The following USP40 variants were observed in gnomAD, a reference collection of about 807,000 sequenced individuals.
USP40 encodes ubiquitin specific peptidase 40.
USP40 carries 143 observed loss-of-function variants against 166.2 expected under a neutral mutation model. The ratio of observed to expected loss-of-function variants is 0.86; its 90% confidence interval spans 0.75 to 0.99. The LOEUF (loss-of-function observed/expected upper bound fraction) is 0.99. USP40 is among the 50% of genes least tolerant of loss of function. USP40 has a pLI of 0.00. For synonymous variants in USP40, 498 were observed against 524.0 expected (o/e 0.95, Z 0.68); for missense variants, 1,444 against 1,479.7 (o/e 0.98, Z 0.40).
intron 21 of USP40, among the ~76,000 whole-genome samples, chr2:233,504,259 A>G (rs968725718): frequency 2.3e-4 from 35 of 152,116 alleles, no homozygotes; most frequent in African/African-American, 8.4e-4. Context: ...AAACAACCAG[A>G]AAACGATTAA....
chr2:233,548,945 A>G (rs1163382204), intron 8 of USP40, among the ~76,000 whole-genome samples, 156 bp downstream of exon 8: 1 of 152,168 alleles, frequency 6.6e-6, no homozygotes, highest in Non-Finnish European at 1.5e-5. Flanking sequence ...ATTTAGAAAT[A>G]AAAATTTAAA....
chr2:233,533,208 T>C lies in USP40; in HGVS notation c.1471+271A>G, dbSNP rs926389356. ...ACTCAAGTTTGCCAACACAAGAAGG[T>C]TTTATGCTATCCAAGGAAATCCAAT... On this transcript the variant is annotated intron_variant, in intron 11 of 31. Transcript: ENST00000678225. 7.2e-5 allele frequency among the ~76,000 whole-genome samples: 11 copies of C among 152,144 alleles called. 1 individual carries two copies. Among genetic ancestry groups the C allele is most frequent in the African/African-American group, 2.7e-4 (11 of 41,424 alleles).
rs766225013 is a variant in USP40, at chr2:233,521,110, A to C, written c.2206T>G (p.Leu736Val). The C allele has an allele frequency of 7.5e-6, 12 of 1,610,386 alleles. No individual in the cohort carries two copies. In the Admixed American group the frequency reaches 1.9e-4, roughly 25 times the overall value. ...GTGACCCATTTCTCTTCCTTGGTCA[A>C]CAAGCTGTAGGTAAAAAGAAAAGAT... is the stretch of plus-strand genomic sequence containing the variant. ...IQDSHDDNSL[L>V]TKEEKWVTSM... Residue 736 changes from leucine (L) to valine (V), a missense_variant, in exon 17 of 32, where the codon TTG becomes GTG. Physicochemically the swap from Leu to Val is conservative, Grantham distance 32. Transcript: ENST00000678225.
At chr2:233,556,048 G>A (rs1471903855) in intron 5 of USP40, among the ~76,000 whole-genome samples, 2 of 151,350 alleles carry the variant, frequency 1.3e-5, no homozygotes, top group Non-Finnish European at 2.9e-5. Context: ...CCCGGGAGGT[G>A]GAACTTGCAG....
At chr2:233,556,682 G>T in intron 5 of USP40, 173 bp downstream of exon 5, 1 of 482,698 alleles carries the variant, frequency 2.1e-6, no homozygotes, top group Non-Finnish European at 3.4e-6. Context: ...AATCTACATG[G>T]AGAAATCTGG....
chr2:233,540,915 T>C, intron 9 of USP40, 146 bp from the exon 10 acceptor site: 1 of 446,814 alleles, frequency 2.2e-6, no homozygotes, highest in Non-Finnish European at 3.7e-6. Context: ...AATTATTTTA[T>C]TATAAAAAGT....
intron 2 of USP40, 31 bp from the exon 3 acceptor site, chr2:233,562,834 A>G: frequency 6.8e-7 from 1 of 1,475,182 alleles, no homozygotes. Context: ...AGAGATGCAA[A>G]TGACATCATT....
chr2:233,548,019 A>G (rs1477423687), intron 8 of USP40, among the ~76,000 whole-genome samples: 1 of 152,146 alleles, frequency 6.6e-6, no homozygotes, highest in African/African-American at 2.4e-5. Flanking sequence ...CCAGGAATAG[A>G]AAAAAATGAA....
At chr2:233,511,895 T>A (rs2066867716) in intron 19 of USP40, 98 bp from the exon 20 acceptor site, 1 of 1,011,872 alleles carries the variant, frequency 9.9e-7, no homozygotes, top group East Asian at 2.7e-5. Flanking sequence ...ATCAAGAATA[T>A]CAAGAAAGAA....
intron 18 of USP40, among the ~76,000 whole-genome samples, chr2:233,515,614 T>C (rs1349600273): frequency 2.0e-5 from 3 of 152,174 alleles, no homozygotes; most frequent in African/African-American, 7.2e-5. Context: ...CAAATATGTG[T>C]TTCATAAATA....
chr2:233,524,426 G>A (rs1044417016), intron 15 of USP40, 66 bp downstream of exon 15: 26 of 1,417,924 alleles, frequency 1.8e-5, no homozygotes, highest in Middle Eastern at 1.8e-4. Context: ...CACCATGCCC[G>A]GCCATTACGA....
chr2:233,528,286 A>G (rs1253846187), intron 12 of USP40, among the ~76,000 whole-genome samples: 1 of 152,060 alleles, frequency 6.6e-6, no homozygotes, highest in Non-Finnish European at 1.5e-5. Context: ...GCCCCATGAA[A>G]TATTTGAAGC....
chr2:233,489,292 C>T (rs1231421043), intron 27 of USP40, 73 bp downstream of exon 27: 7 of 1,369,992 alleles, frequency 5.1e-6, no homozygotes, highest in Non-Finnish European at 3.1e-6. Flanking sequence ...AGACTGATTC[C>T]TCCTCCATCC....
chr2:233,489,729 A>T, intron 26 of USP40: 1 of 400,254 alleles, frequency 2.5e-6, no homozygotes, highest in Non-Finnish European at 4.4e-6. Context: ...CCTCTCTCTA[A>T]ATCTGAGTCA....
intron 18 of USP40, chr2:233,512,825 C>A: frequency 3.4e-6 from 1 of 294,096 alleles, no homozygotes; most frequent in Admixed American, 5.1e-5. Flanking sequence ...AGAAAAAACC[C>A]CCAAAATAAG....
intron 21 of USP40, among the ~76,000 whole-genome samples, chr2:233,502,612 G>C (rs970232211): frequency 6.6e-6 from 1 of 152,110 alleles, no homozygotes; most frequent in Admixed American, 6.6e-5. Flanking sequence ...AAGTGTGGCA[G>C]TATCCCCCTC....
chr2:233,542,388 T>C, intron 8 of USP40, 25 bp from the exon 9 acceptor site: 2 of 1,370,596 alleles, frequency 1.5e-6, no homozygotes, highest in Non-Finnish European at 2.0e-6. Flanking sequence ...AGTATGAGTT[T>C]CTATCACTAA....
intron 21 of USP40, among the ~76,000 whole-genome samples, chr2:233,506,740 CAAAAAAAAAAAA>C (rs1227656570): frequency 3.7e-5 from 2 of 53,848 alleles, no homozygotes; most frequent in Non-Finnish European, 8.9e-5. Flanking sequence ...ACCGAAAATA[CAAAAAAAAAAAA>C]AAAAAAAAAA....
chr2:233,494,175 G>T (rs1333499292), intron 24 of USP40, among the ~76,000 whole-genome samples: 1 of 152,124 alleles, frequency 6.6e-6, no homozygotes, highest in Non-Finnish European at 1.5e-5. Flanking sequence ...CAAGAAATGT[G>T]CATTAGAATA....
Sources: gnomAD v4.1 joint callset for allele counts (sites outside exome capture counted in the v4.1 genomes callset) on GRCh38, gnomAD v4.1.1 for gene constraint, MANE v1.5 for transcripts, NCBI Gene and HGNC (gene_info 2026-07-23, HGNC 2026-07-21) for gene names.